Variants in DLG2 observed in about 807,000 individuals in gnomAD.
The protein encoded by DLG2 is discs large MAGUK scaffold protein 2.
Under a neutral mutation model 132.5 loss-of-function variants are expected in DLG2, and 45 were observed. The ratio of observed to expected loss-of-function variants is 0.34; its 90% confidence interval spans 0.27 to 0.44. The LOEUF (loss-of-function observed/expected upper bound fraction) is 0.44, where lower values mean the gene tolerates loss of function less well. Among genes scored for constraint, DLG2 ranks in the 20% least tolerant of loss-of-function variants. The probability of loss-of-function intolerance (pLI) is 1.00; values close to 1 mark genes in which losing one functional copy is unlikely to be tolerated. For synonymous variants in DLG2, 424 were observed against 419.6 expected, an observed-to-expected ratio of 1.01 and a Z score of -0.13; for missense variants, 1,045 against 1,196.9, an observed-to-expected ratio of 0.87 and a Z score of 1.87.
intron 9 of DLG2, among the ~76,000 whole-genome samples, chr11:84,141,869 C>A (rs1037126698): frequency 1.3e-5 from 2 of 151,978 alleles, no homozygotes; most frequent in Non-Finnish European, 2.9e-5. Flanking sequence ...GTTTTCTAAT[C>A]ATAATTCAGT....
intron 3 of DLG2, among the ~76,000 whole-genome samples, chr11:85,500,209 C>G (rs1477802909): frequency 6.6e-6 from 1 of 152,044 alleles, no homozygotes; most frequent in Non-Finnish European, 1.5e-5. Context: ...ATCGTCTCAG[C>G]CCAAAATCTC....
chr11:84,126,393 T>C (rs2094173957), intron 9 of DLG2, among the ~76,000 whole-genome samples: 1 of 152,086 alleles, frequency 6.6e-6, no homozygotes, highest in Non-Finnish European at 1.5e-5. Flanking sequence ...CTAACTTATC[T>C]CAAGGAGAGG....
At chr11:83,689,960 T>G (rs1038962166) in intron 18 of DLG2, among the ~76,000 whole-genome samples, 1 of 132,420 alleles carries the variant, frequency 7.6e-6, no homozygotes, top group African/African-American at 2.7e-5. Flanking sequence ...TATATTTATA[T>G]AATATATATT....
At chr11:85,311,366 G>A (rs556423081) in intron 3 of DLG2, among the ~76,000 whole-genome samples, 70 of 152,272 alleles carry the variant, frequency 4.6e-4, no homozygotes, top group African/African-American at 1.6e-3. Context: ...GGCCAATGCT[G>A]TTATCAGCCT....
At chr11:83,638,684 G>A (rs570503498) in intron 18 of DLG2, among the ~76,000 whole-genome samples, 2 of 152,270 alleles carry the variant, frequency 1.3e-5, no homozygotes, top group Admixed American at 6.5e-5. Flanking sequence ...ATGAGCCACA[G>A]ATGGCCATAC....
At position 84,648,986 on chromosome 11, in the gene DLG2, AT is replaced by A. The variant is rs373627289; in HGVS notation, c.358-114256del. Among the ~76,000 whole-genome samples, 60 of 152,048 alleles carry A rather than the reference AT, an allele frequency of 3.9e-4. No homozygotes were observed. The East Asian group carries it at 7.5e-3, about 19-fold the overall frequency. On this transcript the variant is annotated intron_variant, in intron 6 of 27. Coordinates refer to ENST00000376104, the MANE Select transcript of DLG2 (RefSeq NM_001142699.3). ...CATTTCTGAGTAATTATGATTTATT[AT>A]TTTTTTTCTAAAGCAACAAAATGAA...
At chr11:84,894,384 G>A (rs970372783) in intron 6 of DLG2, among the ~76,000 whole-genome samples, 2 of 151,930 alleles carry the variant, frequency 1.3e-5, no homozygotes, top group Non-Finnish European at 2.9e-5. Context: ...TACCACTCAA[G>A]CTTCATGAAT....
At chr11:83,906,224 T>C (rs1290271539) in intron 15 of DLG2, among the ~76,000 whole-genome samples, 9 of 143,940 alleles carry the variant, frequency 6.3e-5, no homozygotes, top group Admixed American at 3.5e-4. Flanking sequence ...AAGATTGCTA[T>C]AGTAGATGTC....
chr11:84,273,151 C>A, intron 7 of DLG2: 5 of 1,506,298 alleles, frequency 3.3e-6, no homozygotes, highest in South Asian at 2.7e-5. Context: ...TTTTCCTTAC[C>A]GGAATAAATG....
chr11:84,418,009 CTGAGT>C (rs1432750376), intron 7 of DLG2, among the ~76,000 whole-genome samples: 1 of 152,130 alleles, frequency 6.6e-6, no homozygotes, highest in African/African-American at 2.4e-5. Flanking sequence ...TATTAATATA[CTGAGT>C]TAAGAGCCAA....
chr11:84,489,861 G>A (rs191754927), intron 7 of DLG2, among the ~76,000 whole-genome samples: 14 of 151,682 alleles, frequency 9.2e-5, no homozygotes, highest in South Asian at 2.1e-4. Context: ...TATTTTTGCC[G>A]GAGGACTATA....
chr11:84,301,297 A>G (rs1360934818), intron 7 of DLG2, among the ~76,000 whole-genome samples: 2 of 152,184 alleles, frequency 1.3e-5, no homozygotes, highest in Non-Finnish European at 2.9e-5. Flanking sequence ...ATCACTGGTC[A>G]TTAGAGAAGT....
At chr11:85,314,411 A>G (rs1377423970) in intron 3 of DLG2, among the ~76,000 whole-genome samples, 1 of 152,092 alleles carries the variant, frequency 6.6e-6, no homozygotes, top group East Asian at 1.9e-4. Flanking sequence ...AGAGAGGATC[A>G]TATAAATATA....
In DLG2 at chr11:83,882,991, T is replaced by C. The variant is rs1469498273; in HGVS notation, c.1497-8503A>G. The stretch of plus-strand genomic sequence containing the variant: ...CCTGTGCCACTGCGACCCATATTCT[T>C]CTCTGTGACAACAGTTAAATGACGA... On this transcript the variant is annotated intron_variant, in intron 15 of 27. Coordinates refer to ENST00000376104, the MANE Select transcript of DLG2 (RefSeq NM_001142699.3). Among the ~76,000 whole-genome samples the C allele has an allele frequency of 2.6e-5, 4 of 152,150 alleles. No homozygotes were observed. The East Asian group carries it at 7.7e-4, about 29-fold the overall frequency.
At chr11:85,518,415 C>A (rs1303434622) in intron 3 of DLG2, among the ~76,000 whole-genome samples, 6 of 152,144 alleles carry the variant, frequency 3.9e-5, no homozygotes, top group Admixed American at 3.9e-4. Flanking sequence ...AGATTGGAAG[C>A]ATTTGGCCCC....
intron 7 of DLG2, among the ~76,000 whole-genome samples, chr11:84,266,996 C>G (rs2097647430): frequency 1.3e-5 from 2 of 152,136 alleles, no homozygotes; most frequent in South Asian, 4.1e-4. Context: ...TAAAAGAAAC[C>G]TCCCAAATGC....
At chr11:84,961,740 C>G (rs1053397562) in intron 6 of DLG2, among the ~76,000 whole-genome samples, 1 of 152,158 alleles carries the variant, frequency 6.6e-6, no homozygotes, top group Non-Finnish European at 1.5e-5. Flanking sequence ...CTCCTCCACC[C>G]AAGCAACTTT....
intron 17 of DLG2, among the ~76,000 whole-genome samples, chr11:83,815,502 T>C (rs2048624758): frequency 6.6e-6 from 1 of 152,144 alleles, no homozygotes; most frequent in Non-Finnish European, 1.5e-5. Context: ...TGATGTGCGT[T>C]CTCTGTTGGT....
intron 6 of DLG2, among the ~76,000 whole-genome samples, chr11:84,628,258 C>G (rs1214719356): frequency 1.3e-5 from 2 of 152,222 alleles, no homozygotes; most frequent in East Asian, 3.9e-4. Flanking sequence ...CTATCCTCCT[C>G]CTTTAAAATC....
Sources: gnomAD v4.1 joint callset for allele counts (sites outside exome capture counted in the v4.1 genomes callset) on GRCh38, gnomAD v4.1.1 for gene constraint, MANE v1.5 for transcripts, NCBI Gene and HGNC (gene_info 2026-07-23, HGNC 2026-07-21) for gene names.